BBS9: variants seen among roughly 807,000 people sequenced by gnomAD.
BBS9 encodes protein PTHB1.
Under a neutral mutation model 117.7 loss-of-function variants are expected in BBS9, and 89 were observed. The observed-to-expected ratio is 0.76, with a 90% CI of 0.64 to 0.90. The LOEUF is 0.90. Among genes scored for constraint, BBS9 ranks in the 40% least tolerant of loss-of-function variants. BBS9 has a pLI of 0.00. For missense variants in BBS9, 982 were observed against 1,042.2 expected, an observed-to-expected ratio of 0.94 and a Z score of 0.80; for synonymous variants, 379 against 370.9, an observed-to-expected ratio of 1.02 and a Z score of -0.25.
At chr7:33,194,500 ACG>A (rs1784635428) in intron 5 of BBS9, among the ~76,000 whole-genome samples, 1 of 148,536 alleles carries the variant, frequency 6.7e-6, no homozygotes, top group Non-Finnish European at 1.5e-5. Context: ...TGTTTAATCC[ACG>A]AAGTTACATT....
At position 33,534,143 on chromosome 7, in the gene BBS9, G is replaced by A. The variant is rs368704638; in HGVS notation, c.2488G>A (p.Asp830Asn). Residue 830 changes from aspartate (D) to asparagine (N), a missense_variant, in exon 21 of 23, where the codon GAT (aspartate) becomes AAT (asparagine). By Grantham distance (23) the Asp-to-Asn change is conservative (BLOSUM62 1). Transcript: ENST00000242067. ...AGGTGGCCGTCTCTGCCTAAGTACC[G>A]ATGCAGCAGCCCCACAGACCATGGT... ...SKGGRLCLST[D>N]AAAPQTMVMP... 6.6e-5 allele frequency: 106 copies of A among 1,614,040 alleles called. No individual in the cohort carries two copies. Among genetic ancestry groups the A allele is most frequent in the Non-Finnish European group, 8.4e-5 (99 of 1,180,048 alleles).
At chr7:33,357,012 G>A (rs1000971026) in intron 15 of BBS9, among the ~76,000 whole-genome samples, 3 of 151,722 alleles carry the variant, frequency 2.0e-5, no homozygotes, top group East Asian at 3.8e-4. Context: ...TAGGATTTTA[G>A]TATTGCTTTT....
chr7:33,271,208 GA>G (rs1221315827), intron 7 of BBS9, among the ~76,000 whole-genome samples: 1 of 152,154 alleles, frequency 6.6e-6, no homozygotes, highest in Non-Finnish European at 1.5e-5. Flanking sequence ...GCTCCTGAAA[GA>G]AGCACTAAAT....
intron 5 of BBS9, among the ~76,000 whole-genome samples, chr7:33,186,522 A>G (rs2128182806): frequency 6.6e-6 from 1 of 152,348 alleles, no homozygotes; most frequent in South Asian, 2.1e-4. Flanking sequence ...GCTAAAGTTA[A>G]GTGCATATCT....
chr7:33,581,072 A>ATT (rs1212264006), intron 21 of BBS9, among the ~76,000 whole-genome samples: 1 of 143,450 alleles, frequency 7.0e-6, no homozygotes, highest in East Asian at 2.1e-4. Flanking sequence ...TTTTGTGTGT[A>ATT]TTTTTGTGTG....
intron 7 of BBS9, among the ~76,000 whole-genome samples, chr7:33,266,386 C>T (rs1798828023): frequency 6.6e-6 from 1 of 152,156 alleles, no homozygotes; most frequent in Non-Finnish European, 1.5e-5. Context: ...CTGTGTTACT[C>T]ACAGCTACCT....
At chr7:33,146,399 G>A (rs1444298622) in intron 2 of BBS9, 35 bp downstream of exon 2, 5 of 1,525,274 alleles carry the variant, frequency 3.3e-6, no homozygotes, top group Non-Finnish European at 4.5e-6. Context: ...TTGGATGAAA[G>A]TTTTAAAGAG....
intron 19 of BBS9, among the ~76,000 whole-genome samples, chr7:33,414,379 A>G (rs1380219008): frequency 6.6e-6 from 1 of 152,316 alleles, no homozygotes; most frequent in African/African-American, 2.4e-5. Context: ...ATGTACTTTT[A>G]AACAAAGCTT....
intron 14 of BBS9, chr7:33,352,187 T>C (rs1563048951): frequency 6.5e-6 from 1 of 153,222 alleles, no homozygotes; most frequent in Non-Finnish European, 1.5e-5. Flanking sequence ...AGACACTGTT[T>C]TAGTGACTAA....
intron 1 of BBS9, among the ~76,000 whole-genome samples, chr7:33,133,559 G>A (rs1303051295): frequency 1.3e-5 from 2 of 152,180 alleles, no homozygotes; most frequent in African/African-American, 2.4e-5. Context: ...ATGTTTTTAA[G>A]AGCCAGATAT....
At chr7:33,570,798 C>A (rs1178495812) in intron 21 of BBS9, among the ~76,000 whole-genome samples, 1 of 152,162 alleles carries the variant, frequency 6.6e-6, no homozygotes, top group Non-Finnish European at 1.5e-5. Flanking sequence ...AGGCACACAA[C>A]CTCAATCTAA....
At chr7:33,472,084 A>G (rs1343543598) in intron 19 of BBS9, among the ~76,000 whole-genome samples, 1 of 152,224 alleles carries the variant, frequency 6.6e-6, no homozygotes, top group Non-Finnish European at 1.5e-5. Context: ...TTATTCATCT[A>G]ATCTTTCTGT....
Position 33,464,259 on chromosome 7 carries a change from G to A in BBS9, c.2116-41204G>A, listed in dbSNP as rs145184796. 6.4e-3 allele frequency among the ~76,000 whole-genome samples: 973 copies of A among 152,100 alleles called. 5 individuals are homozygous for A. The highest frequency in any genetic ancestry group is 0.014 in the Middle Eastern group (4 of 294). ...CAAACATGAGCCTTACGAAAATGAGGGAACTATTTTTTGGTAACCTGGGGT... is the reference window on the plus strand; with the variant it reads ...CAAACATGAGCCTTACGAAAATGAGAGAACTATTTTTTGGTAACCTGGGGT... On this transcript the variant is annotated intron_variant, in intron 19 of 22. Transcript: ENST00000242067.
At chr7:33,521,493 C>T (rs570633083) in intron 20 of BBS9, among the ~76,000 whole-genome samples, 10 of 152,042 alleles carry the variant, frequency 6.6e-5, no homozygotes, top group African/African-American at 2.4e-4. Context: ...CGGAGAACTC[C>T]AAAAGTCCAA....
At chr7:33,189,964 T>C (rs1783815471) in intron 5 of BBS9, among the ~76,000 whole-genome samples, 1 of 151,648 alleles carries the variant, frequency 6.6e-6, no homozygotes, top group Non-Finnish European at 1.5e-5. Context: ...TCAGCCAGTA[T>C]GCCTGCCTAG....
At chr7:33,307,895 C>A (rs1182187983) in intron 9 of BBS9, among the ~76,000 whole-genome samples, 2 of 151,752 alleles carry the variant, frequency 1.3e-5, no homozygotes, top group Non-Finnish European at 2.9e-5. Context: ...ACCTGGTAGT[C>A]ATTTATTGAA....
At chr7:33,405,194 C>A (rs1449453020) in intron 19 of BBS9, among the ~76,000 whole-genome samples, 1 of 152,148 alleles carries the variant, frequency 6.6e-6, no homozygotes, top group Non-Finnish European at 1.5e-5. Context: ...AGGGATGAAG[C>A]CCACTTGATC....
At chr7:33,560,503 T>G (rs540376834) in intron 21 of BBS9, among the ~76,000 whole-genome samples, 1 of 152,336 alleles carries the variant, frequency 6.6e-6, no homozygotes, top group East Asian at 1.9e-4. Flanking sequence ...CACCTGGGTA[T>G]AAGCTTTGGT....
At chr7:33,288,009 C>T (rs921240879) in intron 9 of BBS9, among the ~76,000 whole-genome samples, 14 of 152,032 alleles carry the variant, frequency 9.2e-5, no homozygotes, top group African/African-American at 2.9e-4. Context: ...AAAGGATAAA[C>T]GGGTGACTTG....
Sources: gnomAD v4.1 joint callset for allele counts (sites outside exome capture counted in the v4.1 genomes callset) on GRCh38, gnomAD v4.1.1 for gene constraint, MANE v1.5 for transcripts, NCBI Gene and HGNC (gene_info 2026-07-23, HGNC 2026-07-21) for gene names.